The following GABRG1 variants were observed in gnomAD, a reference collection of about 807,000 sequenced individuals.
GABRG1 encodes gamma-aminobutyric acid type A receptor subunit gamma1.
A neutral mutation model predicts 49.8 loss-of-function variants in GABRG1; 49 were observed. The observed-to-expected ratio is 0.98, with a 90% CI of 0.78 to 1.25. GABRG1 has a LOEUF of 1.25. GABRG1 is among the 50% of genes most tolerant of loss of function. GABRG1 has a pLI of 0.00. For missense variants in GABRG1, 552 were observed against 552.3 expected (o/e 1.00, Z 0.01); for synonymous variants, 232 against 185.1 (o/e 1.25, Z -2.06).
rs142799145 is a variant in GABRG1, at chr4:46,058,518, G to A, written c.730C>T (p.Arg244Trp). The change falls in exon 6 of 9, where the codon CGG (arginine) becomes TGG (tryptophan). Residue 244 changes from arginine (R) to tryptophan (W), a missense_variant. By Grantham distance (101) the Arg-to-Trp change is moderately radical. Transcript: ENST00000295452. ...GTGTGAGTGATTTCAGTTGAGTTCC[G>A]TAACCCTACAAATGCAAACTGATAT... ...RLYQFAFVGL[R>W]NSTEITHTIS... 8.7e-6 allele frequency: 14 copies of A among 1,613,030 alleles called. No individual in the cohort carries two copies. The highest frequency in any genetic ancestry group is 1.3e-5 in the African/African-American group (1 of 74,842).
At chr4:46,117,962 A>T (rs1173076978) in intron 1 of GABRG1, among the ~76,000 whole-genome samples, 1 of 59,276 alleles carries the variant, frequency 1.7e-5, no homozygotes, top group Non-Finnish European at 2.7e-5. Context: ...ATCTATATAC[A>T]TATATACATA....
chr4:46,108,370 C>CT (rs1321596858), intron 1 of GABRG1, among the ~76,000 whole-genome samples: 1 of 151,110 alleles, frequency 6.6e-6, no homozygotes, highest in Admixed American at 6.6e-5. Context: ...GCCACTTGAA[C>CT]TAGAAATTGA....
rs150645972 is a variant in GABRG1, at chr4:46,047,048, A to G, written c.1131+4376T>C. ...CTACTTTCAAGATAAACATTACCCA[A>G]TAGCACTTTCTGTGATGACAATGTT... is the stretch of plus-strand genomic sequence containing the variant. On this transcript the variant is annotated intron_variant, in intron 8 of 8. Coordinates refer to ENST00000295452, the MANE Select transcript of GABRG1 (RefSeq NM_173536.4). Among the ~76,000 whole-genome samples, 1,097 of 152,222 alleles carry G rather than the reference A, an allele frequency of 7.2e-3. 3 individuals carry two copies. The highest frequency in any genetic ancestry group is 0.023 in the African/African-American group (938 of 41,560).
At chr4:46,044,319 A>G (rs1368844856) in intron 8 of GABRG1, among the ~76,000 whole-genome samples, 1 of 151,922 alleles carries the variant, frequency 6.6e-6, no homozygotes, top group Non-Finnish European at 1.5e-5. Flanking sequence ...CAAAAAGAGG[A>G]AACAAAAGAA....
At chr4:46,105,044 A>G (rs1002808499) in intron 1 of GABRG1, among the ~76,000 whole-genome samples, 2 of 151,446 alleles carry the variant, frequency 1.3e-5, no homozygotes, top group Non-Finnish European at 3.0e-5. Context: ...TGGGCACGCT[A>G]TCCTTCCTTT....
chr4:46,050,793 A>G (rs999598601), intron 8 of GABRG1, among the ~76,000 whole-genome samples: 8 of 151,798 alleles, frequency 5.3e-5, no homozygotes, highest in African/African-American at 1.9e-4. Context: ...CATGCATGTA[A>G]AATGCTCTGC....
chr4:46,097,225 T>G lies in GABRG1; in HGVS notation c.229A>C (p.Asn77His). ...ILNSLLQGYD[N>H]KLRPDIGVRP... is the part of the protein sequence containing the mutation. ...CCTCCTATATCTGGACGAAGTTTAT[T>G]GTCATAGCCTTGAAGCAATGAATTC... Residue 77 changes from asparagine to histidine, a missense_variant, in exon 2 of 9, where the codon AAT becomes CAT. Physicochemically the swap from Asn to His is moderately conservative, Grantham distance 68. Transcript: ENST00000295452. 1 of 1,608,596 alleles carries G rather than the reference T, an allele frequency of 6.2e-7. No homozygotes were observed. The highest frequency in any genetic ancestry group is 8.5e-7 in the Non-Finnish European group (1 of 1,177,224).
intron 2 of GABRG1, among the ~76,000 whole-genome samples, chr4:46,087,070 G>A (rs1384767605): frequency 6.6e-6 from 1 of 151,602 alleles, no homozygotes; most frequent in Non-Finnish European, 1.5e-5. Context: ...TGAGAGATAT[G>A]AGCGTATAAT....
rs555546069 is a variant in GABRG1, at chr4:46,102,908, C to G, written c.105-5559G>C. The stretch of plus-strand genomic sequence containing the variant: ...TATTACTAGAGAAAAAAATATATGC[C>G]TATAGCAAGTCAGTCAATTAATATA... On this transcript the variant is annotated intron_variant, in intron 1 of 8. Transcript: ENST00000295452. Among the ~76,000 whole-genome samples the G allele has an allele frequency of 4.6e-5, 7 of 151,616 alleles. No individual in the cohort carries two copies. The East Asian group carries it at 9.8e-4, about 21-fold the overall frequency.
intron 5 of GABRG1, among the ~76,000 whole-genome samples, chr4:46,063,661 A>G (rs1436392572): frequency 1.3e-5 from 2 of 152,162 alleles, no homozygotes; most frequent in African/African-American, 4.8e-5. Context: ...AATGGCAACA[A>G]AAGCCAAAAT....
At chr4:46,057,581 T>C (rs959651321) in intron 7 of GABRG1, among the ~76,000 whole-genome samples, 3 of 152,116 alleles carry the variant, frequency 2.0e-5, no homozygotes, top group Non-Finnish European at 2.9e-5. Context: ...CAATAGATTG[T>C]TACAGAAAAA....
Position 46,065,575 on chromosome 4 carries a change from T to C in GABRG1, c.331A>G (p.Ile111Val), listed in dbSNP as rs1051514270. The change falls in exon 4 of 9, where the codon ATA (isoleucine) becomes GTA (valine). Residue 111 changes from isoleucine to valine, a missense_variant. Physicochemically the swap from Ile to Val is conservative, Grantham distance 29. Transcript: ENST00000295452. ...CAGGTTTGGGCAAAAATTATATCTA[T>C]TGTATATTCCTAAAATATAAGAAGA... ...PVDPINMEYT[I>V]DIIFAQTWFD... The C allele has an allele frequency of 1.4e-6, 2 of 1,412,494 alleles. No homozygotes were observed. Among genetic ancestry groups the C allele is most frequent in the Non-Finnish European group, 2.0e-6 (2 of 1,001,440 alleles). 87.5% of individuals were successfully genotyped at this position (1,412,494 alleles called of 1,614,324 possible).
intron 1 of GABRG1, among the ~76,000 whole-genome samples, chr4:46,123,476 G>A (rs930181592): frequency 7.2e-5 from 11 of 152,006 alleles, no homozygotes; most frequent in Admixed American, 5.9e-4. Context: ...AAGTTCTTCG[G>A]TGGCATTCAT....
chr4:46,042,227 G>A (rs890375458), intron 8 of GABRG1, among the ~76,000 whole-genome samples: 4 of 151,814 alleles, frequency 2.6e-5, no homozygotes, highest in Non-Finnish European at 5.9e-5. Context: ...TATTCCTGAT[G>A]AGGCCTATAT....
Position 46,037,721 on chromosome 4 carries a change from A to T in GABRG1, c.*3267T>A, listed in dbSNP as rs898539848. The T allele has an allele frequency of 2.0e-5, 3 of 151,858 alleles. No homozygotes were observed. The highest frequency in any genetic ancestry group is 3.4e-3 in the Middle Eastern group (1 of 294). 9.4% of individuals were successfully genotyped at this position (151,858 alleles called of 1,614,324 possible). ...TCATTCGTTATACATTTACTTAAATACTGGTTATTTATTTCAATCTACTAA... is the reference window on the plus strand; with the variant it reads ...TCATTCGTTATACATTTACTTAAATTCTGGTTATTTATTTCAATCTACTAA... On this transcript the variant is annotated 3_prime_UTR_variant, in exon 9 of 9. Coordinates refer to ENST00000295452, the MANE Select transcript of GABRG1 (RefSeq NM_173536.4).
At chr4:46,099,596 G>A (rs540583775) in intron 1 of GABRG1, among the ~76,000 whole-genome samples, 2 of 151,714 alleles carry the variant, frequency 1.3e-5, no homozygotes, top group South Asian at 2.1e-4. Flanking sequence ...AGTAACATAC[G>A]CCTCAGTTCT....
rs1463658135 is a variant in GABRG1, at chr4:46,037,345, A to C, written c.*3643T>G. The C allele has an allele frequency of 2.6e-5, 4 of 151,822 alleles. No individual in the cohort carries two copies. Among genetic ancestry groups the C allele is most frequent in the Admixed American group, 6.6e-5 (1 of 15,182 alleles). The allele number at this position is 151,822 out of a possible 1,614,324, so 9.4% of individuals were successfully genotyped here. A position where few individuals can be genotyped will look rare whatever the true frequency, so the allele number is the denominator to read the frequency against. On this transcript the variant is annotated 3_prime_UTR_variant, in exon 9 of 9. Coordinates refer to ENST00000295452, the MANE Select transcript of GABRG1 (RefSeq NM_173536.4). ...AACTCCATTTGGAAAGTCCTTGATAAAGTTTGGTAATGGTTTTTGTAACTG... is the reference window on the plus strand; with the variant it reads ...AACTCCATTTGGAAAGTCCTTGATACAGTTTGGTAATGGTTTTTGTAACTG...
In GABRG1 at chr4:46,123,964, AC is replaced by A. The variant is rs558972620; in HGVS notation, c.-52del. 311 of 1,401,812 alleles carry A rather than the reference AC, an allele frequency of 2.2e-4. No homozygotes were observed. The African/African-American group carries it at 4.2e-3, about 19-fold the overall frequency. The allele number at this position is 1,401,812 out of a possible 1,614,324, so 86.8% of individuals were successfully genotyped here. ...CACTAGCTCAATTCTCCCAGCCAGG[AC>A]TTTTCCTCCCACCTCAGCAGCAGCT... On this transcript the variant is annotated 5_prime_UTR_variant, in exon 1 of 9. Coordinates refer to ENST00000295452, the MANE Select transcript of GABRG1 (RefSeq NM_173536.4).
At position 46,087,050 on chromosome 4, in the gene GABRG1, G is replaced by A. The variant is rs577897218; in HGVS notation, c.254-2997C>T. Among the ~76,000 whole-genome samples, 9 of 151,734 alleles carry A rather than the reference G, an allele frequency of 5.9e-5. No homozygotes were observed. In the South Asian group the frequency reaches 8.3e-4, roughly 14 times the overall value. On this transcript the variant is annotated intron_variant, in intron 2 of 8. Transcript: ENST00000295452. ...AATGTACCAACTGTTTTATTCAACC[G>A]ATACATTCATGAGAGATATGAGCGT...
Sources: gnomAD v4.1 joint callset for allele counts (sites outside exome capture counted in the v4.1 genomes callset) on GRCh38, gnomAD v4.1.1 for gene constraint, MANE v1.5 for transcripts, NCBI Gene and HGNC (gene_info 2026-07-23, HGNC 2026-07-21) for gene names.